EEA1: variants seen among roughly 807,000 people sequenced by gnomAD.
EEA1 encodes the protein early endosome antigen 1, 162kD.
Under a neutral mutation model 209.2 loss-of-function variants are expected in EEA1, and 111 were observed. That is an observed-to-expected ratio of 0.53 (90% CI 0.45 to 0.62). The LOEUF (loss-of-function observed/expected upper bound fraction) is 0.62. EEA1 is among the 20% of genes least tolerant of loss of function. The pLI is 0.00. For synonymous variants in EEA1, 536 were observed against 540.6 expected, an observed-to-expected ratio of 0.99 and a Z score of 0.12; for missense variants, 1,343 against 1,530.8, an observed-to-expected ratio of 0.88 and a Z score of 2.05.
intron 2 of EEA1, among the ~76,000 whole-genome samples, chr12:92,891,040 T>C (rs991334407): frequency 1.3e-5 from 2 of 152,206 alleles, no homozygotes; most frequent in African/African-American, 4.8e-5. Flanking sequence ...GAGTGTTATG[T>C]TCTTCACATT....
chr12:92,832,383 AG>A, intron 11 of EEA1, 128 bp downstream of exon 11: 1 of 880,080 alleles, frequency 1.1e-6, no homozygotes, highest in East Asian at 2.6e-5. Flanking sequence ...AGGATATAAA[AG>A]TTAAGAGTTA....
At chr12:92,785,192 C>T (rs1217294051) in intron 22 of EEA1, among the ~76,000 whole-genome samples, 1 of 152,040 alleles carries the variant, frequency 6.6e-6, no homozygotes, top group Non-Finnish European at 1.5e-5. Flanking sequence ...CTACCTCTAC[C>T]TTTCCTGGAC....
intron 9 of EEA1, among the ~76,000 whole-genome samples, chr12:92,845,830 T>C (rs1185905759): frequency 1.3e-5 from 2 of 152,054 alleles, no homozygotes; most frequent in African/African-American, 4.8e-5. Context: ...CCTAAAGTAG[T>C]CCCTGACACT....
chr12:92,906,385 T>C (rs1880387310), intron 1 of EEA1, among the ~76,000 whole-genome samples: 1 of 152,162 alleles, frequency 6.6e-6, no homozygotes. Flanking sequence ...TGAGTCATCA[T>C]GCCTGGCCCT....
Position 92,780,343 on chromosome 12 carries a change from T to C in EEA1, c.3405A>G (p.Arg1135=). The C allele has an allele frequency of 6.2e-7, 1 of 1,603,210 alleles. No individual in the cohort carries two copies. Among genetic ancestry groups the C allele is most frequent in the South Asian group, 1.1e-5 (1 of 89,002 alleles). ...KLAEIEEIKC[R]QEKEITKLNE... Reference sequence around the variant, plus strand: ...TTAGTTTAGTGATTTCTTTTTCTTGTCTACATTTAATTTCTTCTATCTCTG... The same window carrying C: ...TTAGTTTAGTGATTTCTTTTTCTTGCCTACATTTAATTTCTTCTATCTCTG... Residue 1135 remains arginine (R), a synonymous_variant, in exon 24 of 29, where the codon AGA becomes AGG. Transcript: ENST00000322349.
At chr12:92,877,346 T>A (rs1405912138) in intron 2 of EEA1, among the ~76,000 whole-genome samples, 1 of 151,786 alleles carries the variant, frequency 6.6e-6, no homozygotes, top group East Asian at 1.9e-4. Context: ...TAGATTCAAT[T>A]GGAAGAGAGA....
intron 21 of EEA1, among the ~76,000 whole-genome samples, chr12:92,791,235 C>T (rs573599048): frequency 3.9e-5 from 6 of 152,210 alleles, no homozygotes; most frequent in Admixed American, 2.0e-4. Flanking sequence ...AAATAACCAG[C>T]GAACATCATA....
At position 92,774,639 on chromosome 12, in the gene EEA1, T is replaced by C. The variant is rs1046257828; in HGVS notation, c.*1372A>G. ...TGTTCAGCATACAAATAAGCTAATT[T>C]CTTAATTATCCTTAAGATGCTTAGC... On this transcript the variant is annotated 3_prime_UTR_variant, in exon 29 of 29. Coordinates refer to ENST00000322349, the MANE Select transcript of EEA1 (RefSeq NM_003566.4). The C allele has an allele frequency of 6.6e-6, 1 of 151,698 alleles. No individual in the cohort carries two copies. Among genetic ancestry groups the C allele is most frequent in the Non-Finnish European group, 1.5e-5 (1 of 67,634 alleles). 9.4% of individuals were successfully genotyped at this position (151,698 alleles called of 1,614,324 possible).
intron 1 of EEA1, among the ~76,000 whole-genome samples, chr12:92,899,755 C>T (rs1880073467): frequency 6.6e-6 from 1 of 152,174 alleles, no homozygotes; most frequent in Non-Finnish European, 1.5e-5. Context: ...CTTTCTCCTT[C>T]CTCTTGCTCG....
chr12:92,825,058 C>T lies in EEA1; in HGVS notation c.1524+1108G>A, dbSNP rs77305242. Among the ~76,000 whole-genome samples, 550 of 152,262 alleles carry T rather than the reference C, an allele frequency of 3.6e-3. 2 individuals are homozygous for T. Among genetic ancestry groups the T allele is most frequent in the African/African-American group, 0.013 (528 of 41,538 alleles). On this transcript the variant is annotated intron_variant, in intron 13 of 28. Transcript: ENST00000322349. ...TGCAATATTGTTTCTACATATATAT[C>T]ATTAGATTGCCATCTCCTAGAGGGC...
intron 18 of EEA1, among the ~76,000 whole-genome samples, chr12:92,807,253 A>AT (rs113721341): frequency 0.28 from 42,369 of 150,738 alleles, 6,313 homozygotes; most frequent in Non-Finnish European, 0.33. Flanking sequence ...AAGGCCGATA[A>AT]TTTTTTTTTT....
chr12:92,854,073 G>T, intron 5 of EEA1, 119 bp from the exon 6 acceptor site: 1 of 736,024 alleles, frequency 1.4e-6, no homozygotes, highest in Non-Finnish European at 2.0e-6. Context: ...GTAAGATTTT[G>T]GTGAAAATTT....
At chr12:92,853,066 T>C (rs777714992) in intron 6 of EEA1, 41 bp from the exon 7 acceptor site, 1 of 1,242,440 alleles carries the variant, frequency 8.0e-7, no homozygotes, top group Admixed American at 1.9e-5. Flanking sequence ...CCATGTTAAT[T>C]ACATATGCTA....
intron 18 of EEA1, 44 bp downstream of exon 18, chr12:92,808,973 C>A: frequency 6.5e-7 from 1 of 1,529,648 alleles, no homozygotes; most frequent in Non-Finnish European, 8.8e-7. Flanking sequence ...ATACTTAGTT[C>A]ACAATCTTTT....
At chr12:92,867,547 G>A (rs938588394) in intron 2 of EEA1, among the ~76,000 whole-genome samples, 5 of 151,990 alleles carry the variant, frequency 3.3e-5, no homozygotes, top group East Asian at 3.8e-4. Context: ...CTCTGAGCAC[G>A]TAAAAACTAA....
chr12:92,814,732 G>A (rs1023307229), intron 15 of EEA1, among the ~76,000 whole-genome samples: 12 of 152,250 alleles, frequency 7.9e-5, no homozygotes, highest in African/African-American at 2.9e-4. Flanking sequence ...CCTTAAAACA[G>A]TAAAAGCAGT....
chr12:92,808,228 G>A (rs187602971), intron 18 of EEA1, among the ~76,000 whole-genome samples: 1 of 152,082 alleles, frequency 6.6e-6, no homozygotes, highest in East Asian at 1.9e-4. Flanking sequence ...GATAAGGAAG[G>A]TATTGACTAG....
Position 92,802,744 on chromosome 12 carries a change from T to A in EEA1, c.2340-10A>T. On this transcript the variant is annotated splice_polypyrimidine_tract_variant and intron_variant, in intron 18 of 28. Transcript: ENST00000322349. ...TCTTGTACTGGATACTCTAAATATT[T>A]AAAAAACAATCTTTTTAAATAACAC... is the stretch of plus-strand genomic sequence containing the variant. 1 of 1,514,782 alleles carries A rather than the reference T, an allele frequency of 6.6e-7. No homozygotes were observed. The highest frequency in any genetic ancestry group is 8.8e-7 in the Non-Finnish European group (1 of 1,135,662). 93.8% of individuals were successfully genotyped at this position (1,514,782 alleles called of 1,614,324 possible).
intron 27 of EEA1, 33 bp downstream of exon 27, chr12:92,777,510 T>C: frequency 6.3e-7 from 1 of 1,576,360 alleles, no homozygotes. Flanking sequence ...AATTCTAGAC[T>C]AAAAAACTGC....
Sources: gnomAD v4.1 joint callset for allele counts (sites outside exome capture counted in the v4.1 genomes callset) on GRCh38, gnomAD v4.1.1 for gene constraint, MANE v1.5 for transcripts, NCBI Gene and HGNC (gene_info 2026-07-23, HGNC 2026-07-21) for gene names.